The following SCN9A variants were observed in gnomAD, a reference collection of about 807,000 sequenced individuals.
SCN9A encodes the protein sodium channel protein type 9 subunit alpha.
SCN9A carries 131 observed loss-of-function variants against 187.0 expected under a neutral mutation model. The observed-to-expected ratio is 0.70, with a 90% CI of 0.61 to 0.81. SCN9A has a LOEUF of 0.81. Ranked by LOEUF, SCN9A falls within the 30% of genes least tolerant of loss-of-function variation. The pLI, the probability that SCN9A is intolerant of heterozygous loss-of-function variation, is 0.00. For synonymous variants in SCN9A, 809 were observed against 808.6 expected (o/e 1.00, Z -0.01); for missense variants, 2,252 against 2,396.6 (o/e 0.94, Z 1.26).
chr2:166,234,622 C>T (rs370592588), intron 20 of SCN9A, among the ~76,000 whole-genome samples: 7 of 151,508 alleles, frequency 4.6e-5, no homozygotes, highest in African/African-American at 1.7e-4. Flanking sequence ...TTTTTAAATT[C>T]CTAAAGCTAC....
intron 20 of SCN9A, among the ~76,000 whole-genome samples, chr2:166,237,155 A>G: frequency 6.6e-6 from 1 of 151,662 alleles, no homozygotes; most frequent in Non-Finnish European, 1.5e-5. Flanking sequence ...AGCCATTTTA[A>G]TTAATACAAA....
intron 9 of SCN9A, among the ~76,000 whole-genome samples, chr2:166,291,182 C>A (rs933048972): frequency 6.6e-5 from 10 of 152,150 alleles, no homozygotes; most frequent in African/African-American, 2.2e-4. Context: ...AAAACCCGAT[C>A]ATCTCAGCCC....
At position 166,286,321 on chromosome 2, in the gene SCN9A, C is replaced by T. The variant is rs201987507; in HGVS notation, c.1602+15G>A. Reference sequence around the variant, plus strand: ...TCTGCCTCGGGTGATACACATTTAGCAATTTGGGTGGTACCTGATTGGGGG... The same window carrying T: ...TCTGCCTCGGGTGATACACATTTAGTAATTTGGGTGGTACCTGATTGGGGG... On this transcript the variant is annotated intron_variant, in intron 11 of 26. Coordinates refer to ENST00000642356, the MANE Select transcript of SCN9A (RefSeq NM_001365536.1). The T allele has an allele frequency of 6.3e-7, 1 of 1,592,492 alleles. No homozygotes were observed.
intron 12 of SCN9A, among the ~76,000 whole-genome samples, chr2:166,282,487 T>C (rs1418778553): frequency 1.3e-5 from 2 of 152,004 alleles, no homozygotes; most frequent in Admixed American, 1.3e-4. Context: ...TATTTATTTT[T>C]GTGAGAAAAT....
rs563492226 is a variant in SCN9A, at chr2:166,348,628, C to A, written c.-51+27069G>T. On this transcript the variant is annotated intron_variant, in intron 1 of 26. Transcript: ENST00000642356. ...TCACATCTCTCTTCTGTTAAAAAAT[C>A]ATCAGTGGCTTCTCAATAGCTTATG... Among the ~76,000 whole-genome samples the A allele has an allele frequency of 5.3e-5, 8 of 152,166 alleles. No individual in the cohort carries two copies. The East Asian group carries it at 1.4e-3, about 26-fold the overall frequency.
intron 1 of SCN9A, among the ~76,000 whole-genome samples, chr2:166,338,129 T>C (rs911772571): frequency 5.9e-5 from 9 of 152,090 alleles, no homozygotes; most frequent in Admixed American, 6.6e-5. Flanking sequence ...CAGCAATCCA[T>C]GCAGCAAAGC....
rs750397053 is a variant in SCN9A, at chr2:166,238,205, G to C, written c.3690C>G (p.Asp1230Glu). The C allele has an allele frequency of 6.2e-6, 10 of 1,604,510 alleles. No homozygotes were observed. The Admixed American group carries it at 1.3e-4, about 22-fold the overall frequency. ...KTIKIILEYA[D>E]KIFTYIFILE... ...GAATGAAGATGTAAGTGAAGATCTT[G>C]TCTGCATACTCCAGGATAATCTTAA... Residue 1230 changes from aspartate to glutamate, a missense_variant, in exon 20 of 27, where the codon GAC becomes GAG. This residue lies in a region of SCN9A where 313 missense variants were observed against 295.3 expected (regional missense o/e 1.06). Transcript: ENST00000642356.
intron 1 of SCN9A, among the ~76,000 whole-genome samples, chr2:166,337,638 GA>G (rs1021724411): frequency 5.9e-5 from 9 of 152,098 alleles, no homozygotes; most frequent in African/African-American, 2.2e-4. Context: ...GCTGGTATAG[GA>G]AAGAAGGAAA....
At chr2:166,319,652 A>G (rs1699190501) in intron 1 of SCN9A, among the ~76,000 whole-genome samples, 1 of 152,132 alleles carries the variant, frequency 6.6e-6, no homozygotes, top group Non-Finnish European at 1.5e-5. Context: ...ATATTGTTAA[A>G]TTGTATCAGT....
chr2:166,199,488 T>G lies in SCN9A; in HGVS notation c.5151A>C (p.Pro1717=), dbSNP rs1173737085. The change falls in exon 27 of 27, where the codon CCA becomes CCC. Residue 1717 remains proline, a synonymous_variant. Coordinates refer to ENST00000642356, the MANE Select transcript of SCN9A (RefSeq NM_001365536.1). ...ILNSKPPDCD[P]KKVHPGSSVE... ...CTGAACTTCCAGGATGAACTTTTTT[T>G]GGGTCACAGTCGGGTGGCTTACTGT... 1.2e-6 allele frequency: 2 copies of G among 1,614,110 alleles called. No individual in the cohort carries two copies. Among genetic ancestry groups the G allele is most frequent in the East Asian group, 2.2e-5 (1 of 44,900 alleles).
At position 166,311,653 on chromosome 2, in the gene SCN9A, G is replaced by T. The variant is rs1367983811; in HGVS notation, c.104C>A (p.Pro35His). ...ATCATCATCTTTCTTTTCTTCTTTGGGTTCCTTTGATTTTCTTTCAGCAAT... is the reference window on the plus strand; with the variant it reads ...ATCATCATCTTTCTTTTCTTCTTTGTGTTCCTTTGATTTTCTTTCAGCAAT... ...QRIAERKSKE[P>H]KEEKKDDDEE... Residue 35 changes from proline (P) to histidine (H), a missense_variant, in exon 2 of 27, where the codon CCC becomes CAC. Coordinates refer to ENST00000642356, the MANE Select transcript of SCN9A (RefSeq NM_001365536.1). 6.2e-7 allele frequency: 1 copy of T among 1,613,182 alleles called. No homozygotes were observed. Among genetic ancestry groups the T allele is most frequent in the African/African-American group, 1.3e-5 (1 of 74,792 alleles).
At chr2:166,358,574 G>A (rs571031386) in intron 1 of SCN9A, among the ~76,000 whole-genome samples, 15 of 151,862 alleles carry the variant, frequency 9.9e-5, no homozygotes, top group Admixed American at 1.3e-4. Context: ...TTTTTCTGTG[G>A]TATACAATAC....
At chr2:166,356,811 T>C (rs1700160867) in intron 1 of SCN9A, among the ~76,000 whole-genome samples, 1 of 152,232 alleles carries the variant, frequency 6.6e-6, no homozygotes. Flanking sequence ...CTTCTTTTTA[T>C]AGCAGCTTCA....
At position 166,287,992 on chromosome 2, in the gene SCN9A, TTA is replaced by T. The variant is rs529339487; in HGVS notation, c.1314+443_1314+444del. Among the ~76,000 whole-genome samples, 121 of 146,808 alleles carry T rather than the reference TTA, an allele frequency of 8.2e-4. No homozygotes were observed. In the East Asian group the frequency reaches 0.012, roughly 15 times the overall value. On this transcript the variant is annotated intron_variant, in intron 10 of 26. Transcript: ENST00000642356. ...TATTGTATATATATATAAATTGAGATTATATATATATTATATATCTGACTATA... is the reference window on the plus strand; with the variant it reads ...TATTGTATATATATATAAATTGAGATTATATATATTATATATCTGACTATA...
At position 166,196,152 on chromosome 2, in the gene SCN9A, A is replaced by G. The variant is rs200920547; in HGVS notation, c.*2520T>C. The G allele has an allele frequency of 6.6e-6, 1 of 152,180 alleles. No homozygotes were observed. Among genetic ancestry groups the G allele is most frequent in the Non-Finnish European group, 1.5e-5 (1 of 68,024 alleles). The allele number at this position is 152,180 out of a possible 1,614,324, so 9.4% of individuals were successfully genotyped here. The stretch of plus-strand genomic sequence containing the variant: ...TGGGTGTAATAAGTTCAGCGATTAT[A>G]AAATTTAAATATTAATATGACAGTG... On this transcript the variant is annotated 3_prime_UTR_variant, in exon 27 of 27. Transcript: ENST00000642356.
intron 4 of SCN9A, among the ~76,000 whole-genome samples, chr2:166,306,251 A>G (rs1351441111): frequency 6.6e-6 from 1 of 152,146 alleles, no homozygotes; most frequent in African/African-American, 2.4e-5. Flanking sequence ...ACACCCAAGA[A>G]TAAAATATGT....
intron 7 of SCN9A, among the ~76,000 whole-genome samples, chr2:166,295,534 A>G (rs1459414562): frequency 6.6e-6 from 1 of 152,146 alleles, no homozygotes; most frequent in Non-Finnish European, 1.5e-5. Context: ...GGCAACTGTT[A>G]TACAATGGAA....
intron 17 of SCN9A, among the ~76,000 whole-genome samples, chr2:166,261,574 AC>A (rs1558990621): frequency 1.3e-5 from 2 of 151,958 alleles, no homozygotes; most frequent in African/African-American, 4.8e-5. Context: ...CATGGAGGCC[AC>A]GTGGACTGCT....
At chr2:166,354,382 G>C (rs1340781851) in intron 1 of SCN9A, among the ~76,000 whole-genome samples, 1 of 151,948 alleles carries the variant, frequency 6.6e-6, no homozygotes. Flanking sequence ...TAAACAGGAA[G>C]GTTAAAAGTT....
Sources: allele counts gnomAD v4.1 joint callset (sites outside exome capture counted in the v4.1 genomes callset), GRCh38; gene constraint gnomAD v4.1.1; regional missense constraint gnomAD v4.1.1; transcripts MANE v1.5; gene names NCBI Gene and HGNC (gene_info 2026-07-23, HGNC 2026-07-21).